VWA8: variants seen among roughly 807,000 people sequenced by gnomAD.
The protein encoded by VWA8 is von Willebrand factor A domain-containing protein 8.
In VWA8, 221 loss-of-function variants were observed where a neutral mutation model predicts 241.5. The ratio of observed to expected loss-of-function variants is 0.91; its 90% CI spans 0.82 to 1.02. The LOEUF is 1.02. VWA8 is among the 50% of genes least tolerant of loss of function. The pLI is 0.00. For synonymous variants in VWA8, 852 were observed against 827.1 expected, an observed-to-expected ratio of 1.03 and a Z score of -0.52; for missense variants, 2,322 against 2,328.7, an observed-to-expected ratio of 1.00 and a Z score of 0.06.
At chr13:41,855,335 ATATAATATATAAAT>A (rs1872700465) in intron 12 of VWA8, among the ~76,000 whole-genome samples, 1 of 145,746 alleles carries the variant, frequency 6.9e-6, no homozygotes. Flanking sequence ...TATATATAAT[ATATAATATATAAAT>A]ATATATTAAT....
intron 28 of VWA8, among the ~76,000 whole-genome samples, chr13:41,699,604 G>A (rs1466311945): frequency 6.6e-6 from 1 of 152,172 alleles, no homozygotes; most frequent in Non-Finnish European, 1.5e-5. Context: ...CGTGCTTAGT[G>A]CTACAGTGAA....
chr13:41,919,578 A>G lies in VWA8; in HGVS notation c.242-7410T>C, dbSNP rs142334189. ...CAGCACAGCTACCTGGTAGCCCCCA[A>G]TCCCTGAATTTAGCTACTGCTATGC... On this transcript the variant is annotated intron_variant, in intron 2 of 44. Coordinates refer to ENST00000379310, the MANE Select transcript of VWA8 (RefSeq NM_015058.2). Among the ~76,000 whole-genome samples the G allele has an allele frequency of 6.3e-3, 961 of 151,956 alleles. 6 individuals carry two copies. Among genetic ancestry groups the G allele is most frequent in the Non-Finnish European group, 0.011 (718 of 67,924 alleles).
chr13:41,617,919 A>T (rs1017580741), intron 37 of VWA8, among the ~76,000 whole-genome samples: 1 of 151,672 alleles, frequency 6.6e-6, no homozygotes, highest in Admixed American at 6.6e-5. Context: ...GCTATTGTGA[A>T]TAGTGCCGCA....
intron 40 of VWA8, among the ~76,000 whole-genome samples, chr13:41,602,058 C>T (rs912830513): frequency 2.0e-5 from 3 of 152,010 alleles, no homozygotes; most frequent in Non-Finnish European, 2.9e-5. Context: ...ATCAAAGGTT[C>T]CTTGCTTTGT....
At chr13:41,893,177 A>ACT (rs1566497155) in intron 4 of VWA8, among the ~76,000 whole-genome samples, 1 of 152,232 alleles carries the variant, frequency 6.6e-6, no homozygotes, top group Non-Finnish European at 1.5e-5. Context: ...TTTCTGGAGT[A>ACT]GCAATGTACT....
At position 41,741,890 on chromosome 13, in the gene VWA8, G is replaced by A. The variant is rs569736532; in HGVS notation, c.2427-9735C>T. Among the ~76,000 whole-genome samples, 4 of 152,256 alleles carry A rather than the reference G, an allele frequency of 2.6e-5. No individual in the cohort carries two copies. In the South Asian group the frequency reaches 6.2e-4, roughly 24 times the overall value. On this transcript the variant is annotated intron_variant, in intron 21 of 44. Coordinates refer to ENST00000379310, the MANE Select transcript of VWA8 (RefSeq NM_015058.2). ...GCTGTAACAGAAATCAAAACAAAGT[G>A]CAGTGGGGACACAGAAGAGAAGGCA...
At chr13:41,795,998 G>T (rs1315348186) in intron 17 of VWA8, among the ~76,000 whole-genome samples, 1 of 152,000 alleles carries the variant, frequency 6.6e-6, no homozygotes, top group Non-Finnish European at 1.5e-5. Context: ...ATCTAAAAAT[G>T]ATTCATTCTA....
At chr13:41,928,968 GATGT>G (rs1876975801) in intron 2 of VWA8, among the ~76,000 whole-genome samples, 1 of 151,982 alleles carries the variant, frequency 6.6e-6, no homozygotes, top group African/African-American at 2.4e-5. Flanking sequence ...ATATTGTGAA[GATGT>G]ATATACTATC....
chr13:41,849,226 T>A (rs771212730), intron 12 of VWA8, among the ~76,000 whole-genome samples: 1 of 152,104 alleles, frequency 6.6e-6, no homozygotes, highest in Non-Finnish European at 1.5e-5. Flanking sequence ...AGGGGAAGAA[T>A]ACAAAACTAA....
intron 44 of VWA8, among the ~76,000 whole-genome samples, chr13:41,569,054 T>TCAGAA (rs2044282529): frequency 6.6e-6 from 1 of 152,266 alleles, no homozygotes; most frequent in African/African-American, 2.4e-5. Flanking sequence ...ACAGTTCTCT[T>TCAGAA]CAAAAGAACG....
chr13:41,783,708 A>G, intron 19 of VWA8, 87 bp downstream of exon 19: 2 of 939,458 alleles, frequency 2.1e-6, no homozygotes, highest in South Asian at 3.3e-5. Flanking sequence ...GAAATCACAA[A>G]AATAATTACA....
In VWA8 at chr13:41,615,096, C is replaced by G. The variant is rs3862741; in HGVS notation, c.4612-12G>C. The G allele has an allele frequency of 0.72, 1,163,114 of 1,612,694 alleles. 421,434 individuals are homozygous for G. The highest frequency in any genetic ancestry group is 0.83 in the South Asian group (75,542 of 91,016). On this transcript the variant is annotated splice_polypyrimidine_tract_variant and intron_variant, in intron 37 of 44. Coordinates refer to ENST00000379310, the MANE Select transcript of VWA8 (RefSeq NM_015058.2). ...CTGTTGATTGTTATCTAAAAATGAACAATTGAGACATTTTTACTATCCTGT... is the reference window on the plus strand; with the variant it reads ...CTGTTGATTGTTATCTAAAAATGAAGAATTGAGACATTTTTACTATCCTGT...
chr13:41,647,884 G>A (rs191055052), intron 37 of VWA8, among the ~76,000 whole-genome samples: 188 of 152,224 alleles, frequency 1.2e-3, no homozygotes, highest in Non-Finnish European at 2.3e-3. Flanking sequence ...AGCTACTCAG[G>A]AGGCTGAAGC....
At chr13:41,957,575 C>T (rs1593897445) in intron 1 of VWA8, among the ~76,000 whole-genome samples, 1 of 152,192 alleles carries the variant, frequency 6.6e-6, no homozygotes, top group South Asian at 2.1e-4. Context: ...CACTGCACTC[C>T]AGCCTGGGTG....
chr13:41,610,369 A>T (rs754088450), intron 39 of VWA8, among the ~76,000 whole-genome samples: 2 of 152,190 alleles, frequency 1.3e-5, no homozygotes, highest in Non-Finnish European at 2.9e-5. Context: ...AGTGAATTTT[A>T]TTTCCAGAAG....
chr13:41,824,719 T>C (rs972107712), intron 14 of VWA8, among the ~76,000 whole-genome samples: 5 of 151,786 alleles, frequency 3.3e-5, no homozygotes, highest in African/African-American at 1.2e-4. Context: ...TAGTTCCAGC[T>C]ATTCAAAAGG....
Position 41,685,222 on chromosome 13 carries a change from A to G in VWA8, c.4152T>C (p.Ser1384=). ...TATGCAAAGATGATGGTCTCTTCCA[A>G]GAATAAACTTCACTGGGTGACTGAA... is the stretch of plus-strand genomic sequence containing the variant. The part of the protein sequence containing the change: ...PDLMSPSEVY[S]WKRPSSLHKR... Residue 1384 remains serine (S), a synonymous_variant, in exon 35 of 45, where the codon TCT becomes TCC. Coordinates refer to ENST00000379310, the MANE Select transcript of VWA8 (RefSeq NM_015058.2). 2 of 1,612,440 alleles carry G rather than the reference A, an allele frequency of 1.2e-6. No individual in the cohort carries two copies. Among genetic ancestry groups the G allele is most frequent in the Non-Finnish European group, 1.7e-6 (2 of 1,179,416 alleles).
At chr13:41,630,382 TC>T (rs2044718678) in intron 37 of VWA8, among the ~76,000 whole-genome samples, 1 of 151,944 alleles carries the variant, frequency 6.6e-6, no homozygotes, top group African/African-American at 2.4e-5. Context: ...CAACTCAGTC[TC>T]ACCCTCCATC....
chr13:41,651,859 T>A (rs892668038), intron 37 of VWA8, among the ~76,000 whole-genome samples: 2 of 152,192 alleles, frequency 1.3e-5, no homozygotes, highest in African/African-American at 4.8e-5. Flanking sequence ...TGGAAGAGAA[T>A]GGGGCTTCAT....
Sources: allele counts gnomAD v4.1 joint callset (sites outside exome capture counted in the v4.1 genomes callset), GRCh38; gene constraint gnomAD v4.1.1; transcripts MANE v1.5; gene names NCBI Gene and HGNC (gene_info 2026-07-23, HGNC 2026-07-21).